Variants in LRRC4C observed in about 807,000 individuals in gnomAD.
LRRC4C encodes leucine-rich repeat-containing protein 4C.
A neutral mutation model predicts 33.6 loss-of-function variants in LRRC4C; 5 were observed. That is an observed-to-expected ratio of 0.15 (90% CI 0.08 to 0.31). The LOEUF (loss-of-function observed/expected upper bound fraction) is 0.31. LRRC4C is among the 10% of genes least tolerant of loss of function. The pLI is 1.00. For synonymous variants in LRRC4C, 329 were observed against 302.0 expected, an observed-to-expected ratio of 1.09 and a Z score of -0.93; for missense variants, 560 against 796.7, an observed-to-expected ratio of 0.70 and a Z score of 3.58.
chr11:40,822,736 A>T (rs1448388792), intron 2 of LRRC4C, among the ~76,000 whole-genome samples: 1 of 151,670 alleles, frequency 6.6e-6, no homozygotes, highest in Non-Finnish European at 1.5e-5. Flanking sequence ...TACCCCAAAA[A>T]AATTTGCCCA....
chr11:41,372,983 A>C (rs1952808846), intron 1 of LRRC4C, among the ~76,000 whole-genome samples: 1 of 152,166 alleles, frequency 6.6e-6, no homozygotes, highest in Non-Finnish European at 1.5e-5. Context: ...TTATTTAAAA[A>C]TCTAGAGAAA....
At chr11:40,408,863 C>T (rs1394116185) in intron 3 of LRRC4C, among the ~76,000 whole-genome samples, 1 of 151,712 alleles carries the variant, frequency 6.6e-6, no homozygotes, top group South Asian at 2.1e-4. Context: ...GATGCAATCC[C>T]CATAAAAATT....
chr11:40,576,846 G>A (rs1164227114), intron 3 of LRRC4C, among the ~76,000 whole-genome samples: 1 of 152,206 alleles, frequency 6.6e-6, no homozygotes, highest in Non-Finnish European at 1.5e-5. Context: ...GGTTTAGCAT[G>A]TAATTTAATA....
chr11:41,387,537 T>G (rs946113486), intron 1 of LRRC4C, among the ~76,000 whole-genome samples: 2 of 151,676 alleles, frequency 1.3e-5, no homozygotes, highest in Non-Finnish European at 3.0e-5. Context: ...ATCAAAGATA[T>G]GGAAAAAAAT....
chr11:41,187,062 T>C (rs937810860), intron 1 of LRRC4C, among the ~76,000 whole-genome samples: 4 of 152,188 alleles, frequency 2.6e-5, no homozygotes, highest in African/African-American at 4.8e-5. Flanking sequence ...CCTGATTATA[T>C]ACATTTTCAT....
chr11:40,135,814 A>G (rs768528009), intron 6 of LRRC4C, among the ~76,000 whole-genome samples: 49 of 152,244 alleles, frequency 3.2e-4, no homozygotes, highest in Non-Finnish European at 5.9e-5. Context: ...CCATCTGTAA[A>G]GTGAGGACAG....
chr11:41,215,671 A>G (rs1186568980), intron 1 of LRRC4C, among the ~76,000 whole-genome samples: 1 of 152,060 alleles, frequency 6.6e-6, no homozygotes, highest in Non-Finnish European at 1.5e-5. Context: ...CACTGAGTAT[A>G]ATATTTTTAC....
chr11:41,148,441 T>C (rs188347357), intron 1 of LRRC4C, among the ~76,000 whole-genome samples: 1 of 152,078 alleles, frequency 6.6e-6, no homozygotes, highest in Non-Finnish European at 1.5e-5. Flanking sequence ...TTATTTGTCA[T>C]TGGATAAATA....
intron 2 of LRRC4C, among the ~76,000 whole-genome samples, chr11:40,719,160 A>AAGGGC (rs1946878955): frequency 6.6e-6 from 1 of 152,224 alleles, no homozygotes; most frequent in Admixed American, 6.5e-5. Flanking sequence ...CTGTCAAAAG[A>AAGGGC]TAAAGGCTTA....
chr11:40,340,246 T>A (rs993778420), intron 3 of LRRC4C, among the ~76,000 whole-genome samples: 17 of 152,208 alleles, frequency 1.1e-4, no homozygotes, highest in African/African-American at 4.1e-4. Context: ...TATGAAATTC[T>A]GATTTCTCTT....
Position 41,016,014 on chromosome 11 carries a change from A to G in LRRC4C, c.-495-82291T>C, listed in dbSNP as rs75771718. Among the ~76,000 whole-genome samples, 738 of 152,240 alleles carry G rather than the reference A, an allele frequency of 4.8e-3. 6 individuals are homozygous for G. Among genetic ancestry groups the G allele is most frequent in the African/African-American group, 0.017 (705 of 41,548 alleles). The stretch of plus-strand genomic sequence containing the variant: ...GACTCCGTCTCAAAAAACAACAACA[A>G]CAACAAAAAGTATCAAGAATATGTA... On this transcript the variant is annotated intron_variant, in intron 1 of 6. Coordinates refer to ENST00000528697, the MANE Select transcript of LRRC4C (RefSeq NM_001258419.2).
intron 1 of LRRC4C, among the ~76,000 whole-genome samples, chr11:41,046,344 A>T (rs7932497): frequency 1.3e-5 from 2 of 151,760 alleles, no homozygotes; most frequent in African/African-American, 2.4e-5. Context: ...TAGTAAGTAG[A>T]GGGAAAATTT....
intron 3 of LRRC4C, among the ~76,000 whole-genome samples, chr11:40,340,402 A>G (rs995481300): frequency 6.6e-6 from 1 of 152,238 alleles, no homozygotes; most frequent in Non-Finnish European, 1.5e-5. Context: ...ATGTAGTCAC[A>G]TAACTACTTT....
intron 3 of LRRC4C, among the ~76,000 whole-genome samples, chr11:40,499,262 C>A (rs147155950): frequency 2.3e-4 from 35 of 152,204 alleles, no homozygotes; most frequent in South Asian, 6.2e-4. Context: ...ACCTGTCAAG[C>A]CCCTAGATTG....
At chr11:40,199,231 C>T (rs573117601) in intron 5 of LRRC4C, among the ~76,000 whole-genome samples, 4 of 152,024 alleles carry the variant, frequency 2.6e-5, no homozygotes, top group South Asian at 2.1e-4. Flanking sequence ...CTACCACACC[C>T]GGCAGATTTT....
At chr11:40,210,982 G>T (rs78692399) in intron 5 of LRRC4C, among the ~76,000 whole-genome samples, 1 of 151,904 alleles carries the variant, frequency 6.6e-6, no homozygotes, top group Non-Finnish European at 1.5e-5. Flanking sequence ...TCACCATGTT[G>T]GCCAGGTTGG....
At chr11:40,425,794 A>G (rs1336031005) in intron 3 of LRRC4C, among the ~76,000 whole-genome samples, 2 of 152,338 alleles carry the variant, frequency 1.3e-5, no homozygotes, top group East Asian at 1.9e-4. Flanking sequence ...GAAAAAATTA[A>G]AACAAATCTA....
At chr11:40,783,912 G>C (rs1156787891) in intron 2 of LRRC4C, among the ~76,000 whole-genome samples, 1 of 151,994 alleles carries the variant, frequency 6.6e-6, no homozygotes, top group East Asian at 1.9e-4. Flanking sequence ...CCACAATCTT[G>C]AAAATAGTGT....
chr11:41,228,680 T>C (rs535735702), intron 1 of LRRC4C, among the ~76,000 whole-genome samples: 1 of 152,294 alleles, frequency 6.6e-6, no homozygotes, highest in East Asian at 1.9e-4. Context: ...CAAACTAGTG[T>C]ATGATTCTTT....
Sources: allele counts gnomAD v4.1 joint callset (sites outside exome capture counted in the v4.1 genomes callset), GRCh38; gene constraint gnomAD v4.1.1; transcripts MANE v1.5; gene names NCBI Gene and HGNC (gene_info 2026-07-23, HGNC 2026-07-21).